AKT3: variants seen among roughly 807,000 people sequenced by gnomAD.
The protein encoded by AKT3 is RAC-gamma serine/threonine-protein kinase.
AKT3 carries 15 observed loss-of-function variants against 65.3 expected under a neutral mutation model. The observed-to-expected ratio is 0.23, with a 90% CI of 0.15 to 0.35. The LOEUF (loss-of-function observed/expected upper bound fraction) is 0.35, where lower values mean the gene tolerates loss of function less well. AKT3 is among the 10% of genes least tolerant of loss of function. The pLI is 1.00. For synonymous variants in AKT3, 206 were observed against 183.8 expected (o/e 1.12, Z -0.98); for missense variants, 243 against 576.5 (o/e 0.42, Z 5.92).
chr1:243,757,228 T>C (rs1230451734), intron 2 of AKT3, among the ~76,000 whole-genome samples: 1 of 152,236 alleles, frequency 6.6e-6, no homozygotes, highest in East Asian at 1.9e-4. Flanking sequence ...GCTTTAATAG[T>C]TATACTCTTT....
At chr1:243,758,654 C>T (rs1160536298) in intron 2 of AKT3, among the ~76,000 whole-genome samples, 2 of 152,168 alleles carry the variant, frequency 1.3e-5, no homozygotes, top group Non-Finnish European at 2.9e-5. Context: ...CCACTCAGAT[C>T]ATCAGGCATT....
Position 243,813,107 on chromosome 1 carries a change from A to G in AKT3, c.46+30018T>C, listed in dbSNP as rs181198052. ...ACGAGTTAATGGGTGCAGCACACCAACATGGCACATGTATACATATGTAAC... is the reference window on the plus strand; with the variant it reads ...ACGAGTTAATGGGTGCAGCACACCAGCATGGCACATGTATACATATGTAAC... On this transcript the variant is annotated intron_variant, in intron 2 of 13. Transcript: ENST00000673466. 3.5e-3 allele frequency among the ~76,000 whole-genome samples: 532 copies of G among 152,138 alleles called. 2 individuals are homozygous for G. The highest frequency in any genetic ancestry group is 0.012 in the African/African-American group (514 of 41,510).
intron 12 of AKT3, among the ~76,000 whole-genome samples, chr1:243,520,489 T>C (rs1024401330): frequency 6.6e-6 from 1 of 152,256 alleles, no homozygotes; most frequent in Non-Finnish European, 1.5e-5. Context: ...ATCTCTTCTT[T>C]TCCTCTAACC....
intron 3 of AKT3, among the ~76,000 whole-genome samples, chr1:243,679,252 G>A (rs373701142): frequency 6.6e-6 from 1 of 152,116 alleles, no homozygotes; most frequent in Non-Finnish European, 1.5e-5. Context: ...GCTAAGTTTG[G>A]GGGAGTCAAA....
chr1:243,603,976 A>G (rs1677208034), intron 8 of AKT3, among the ~76,000 whole-genome samples: 1 of 150,832 alleles, frequency 6.6e-6, no homozygotes, highest in Admixed American at 6.6e-5. Context: ...GCTCACTGCA[A>G]TCTCCACCTC....
At chr1:243,611,766 C>CAG (rs1677888150) in intron 8 of AKT3, among the ~76,000 whole-genome samples, 2 of 152,064 alleles carry the variant, frequency 1.3e-5, no homozygotes, top group South Asian at 4.1e-4. Flanking sequence ...TGCAAGGGCC[C>CAG]AGTTCTGTAT....
chr1:243,531,120 C>T (rs746026879), intron 12 of AKT3, among the ~76,000 whole-genome samples: 1 of 152,108 alleles, frequency 6.6e-6, no homozygotes, highest in Non-Finnish European at 1.5e-5. Context: ...GATGAGGCCT[C>T]GTTCTGTCAC....
intron 2 of AKT3, among the ~76,000 whole-genome samples, chr1:243,767,898 A>G (rs1404522263): frequency 6.6e-6 from 1 of 152,026 alleles, no homozygotes; most frequent in African/African-American, 2.4e-5. Flanking sequence ...ATTTGCTTAC[A>G]GGGTTCTGAA....
At chr1:243,567,487 C>CCT (rs1392760816) in intron 9 of AKT3, among the ~76,000 whole-genome samples, 4 of 122,320 alleles carry the variant, frequency 3.3e-5, no homozygotes, top group African/African-American at 1.3e-4. Context: ...TTGTTTCTTC[C>CCT]TTTTTTTTTT....
At chr1:243,718,721 C>T (rs1374972571) in intron 2 of AKT3, among the ~76,000 whole-genome samples, 1 of 152,034 alleles carries the variant, frequency 6.6e-6, no homozygotes, top group African/African-American at 2.4e-5. Flanking sequence ...GATCTGCCCG[C>T]CTCGGCCTCC....
At chr1:243,793,772 G>A (rs2148344037) in intron 2 of AKT3, among the ~76,000 whole-genome samples, 1 of 90,272 alleles carries the variant, frequency 1.1e-5, no homozygotes, top group African/African-American at 2.8e-5. Context: ...GAGCAAAACT[G>A]TCTCAAAAAA....
At chr1:243,847,590 G>A (rs1358356403) in intron 1 of AKT3, among the ~76,000 whole-genome samples, 1 of 152,114 alleles carries the variant, frequency 6.6e-6, no homozygotes, top group African/African-American at 2.4e-5. Flanking sequence ...TACATCAAAA[G>A]CTACAGCTTA....
intron 6 of AKT3, among the ~76,000 whole-genome samples, chr1:243,636,972 C>G (rs1680020817): frequency 6.6e-6 from 1 of 152,034 alleles, no homozygotes; most frequent in Non-Finnish European, 1.5e-5. Flanking sequence ...TAAAGTATAA[C>G]AGTAATTTAT....
chr1:243,571,526 C>T (rs1352874930), intron 9 of AKT3, among the ~76,000 whole-genome samples: 1 of 152,170 alleles, frequency 6.6e-6, no homozygotes, highest in Non-Finnish European at 1.5e-5. Context: ...TAAATCTAAG[C>T]CTCCATGCTT....
At position 243,499,734 on chromosome 1, in the gene AKT3, T is replaced by A; in HGVS notation, c.*5515A>T. ...TTGAAGAACATGAGCTATTGAAACT[T>A]ACTTTTTATTATTTTTTCCAGTTAC... On this transcript the variant is annotated 3_prime_UTR_variant, in exon 14 of 14. Coordinates refer to ENST00000673466, the MANE Select transcript of AKT3 (RefSeq NM_005465.7). 3.8e-6 allele frequency: 6 copies of A among 1,597,224 alleles called. No homozygotes were observed. Among genetic ancestry groups the A allele is most frequent in the Non-Finnish European group, 5.2e-6 (6 of 1,164,802 alleles).
intron 2 of AKT3, among the ~76,000 whole-genome samples, chr1:243,798,952 A>G (rs1041089529): frequency 1.3e-5 from 2 of 152,190 alleles, no homozygotes; most frequent in Non-Finnish European, 2.9e-5. Flanking sequence ...TCATCGCTAA[A>G]GTATGAGTGG....
intron 10 of AKT3, among the ~76,000 whole-genome samples, chr1:243,556,577 G>A (rs1181201079): frequency 6.6e-6 from 1 of 151,924 alleles, no homozygotes; most frequent in Non-Finnish European, 1.5e-5. Context: ...CAGAACAGAT[G>A]GGGGAAAAAA....
rs369305253 is a variant in AKT3, at chr1:243,562,692, T to C, written c.948+1028A>G. On this transcript the variant is annotated intron_variant, in intron 10 of 13. Transcript: ENST00000673466. The stretch of plus-strand genomic sequence containing the variant: ...GAGAAGGGCTACATGTAAGTGTTCC[T>C]GCCAACAGCCCAAATAAGGTACCAG... 1.4e-4 allele frequency among the ~76,000 whole-genome samples: 21 copies of C among 152,220 alleles called. No homozygotes were observed. In the South Asian group the frequency reaches 4.2e-3, roughly 30 times the overall value.
rs898752726 is a variant in AKT3 at position 243,607,678 on chromosome 1, T to C, written c.696+5993A>G. 7.9e-5 allele frequency among the ~76,000 whole-genome samples: 12 copies of C among 152,264 alleles called. No homozygotes were observed. The South Asian group carries it at 1.7e-3, about 21-fold the overall frequency. On this transcript the variant is annotated intron_variant, in intron 8 of 13. Transcript: ENST00000673466. ...ACTTTAAGGGACTGTTGGAAAGGCA[T>C]GATTGTGTTTTGAAATGTGAGGATA...
Sources: allele counts gnomAD v4.1 joint callset (sites outside exome capture counted in the v4.1 genomes callset), GRCh38; gene constraint gnomAD v4.1.1; transcripts MANE v1.5; gene names NCBI Gene and HGNC (gene_info 2026-07-23, HGNC 2026-07-21).